Variants in CNTNAP2 observed in about 807,000 individuals in gnomAD.
CNTNAP2 encodes contactin associated protein 2.
CNTNAP2 carries 98 observed loss-of-function variants against 155.2 expected under a neutral mutation model. That is an observed-to-expected ratio of 0.63 (90% CI 0.54 to 0.75). CNTNAP2 has a LOEUF of 0.75. Ranked by LOEUF, CNTNAP2 falls within the 30% of genes least tolerant of loss-of-function variation. The probability of loss-of-function intolerance (pLI) is 0.00; values close to 1 mark genes in which losing one functional copy is unlikely to be tolerated. For missense variants in CNTNAP2, 1,727 were observed against 1,688.1 expected, an observed-to-expected ratio of 1.02 and a Z score of -0.40; for synonymous variants, 651 against 631.2, an observed-to-expected ratio of 1.03 and a Z score of -0.47.
chr7:147,026,928 A>T (rs1264051517), intron 3 of CNTNAP2, among the ~76,000 whole-genome samples: 3 of 147,718 alleles, frequency 2.0e-5, no homozygotes, highest in Non-Finnish European at 4.5e-5. Flanking sequence ...AAAAAAAAAA[A>T]GTCCTTAAAA....
chr7:148,290,737 A>C (rs182730749), intron 21 of CNTNAP2, among the ~76,000 whole-genome samples: 19 of 152,162 alleles, frequency 1.2e-4, no homozygotes, highest in Non-Finnish European at 2.1e-4. Flanking sequence ...TTTATGTCAA[A>C]TCCATCACTC....
At chr7:147,341,750 T>TCA (rs1332438796) in intron 9 of CNTNAP2, among the ~76,000 whole-genome samples, 1 of 128,814 alleles carries the variant, frequency 7.8e-6, no homozygotes, top group African/African-American at 2.9e-5. Flanking sequence ...ATCTAGGCTA[T>TCA]CACACACACA....
At chr7:148,320,116 A>G (rs976126418) in intron 21 of CNTNAP2, among the ~76,000 whole-genome samples, 3 of 152,108 alleles carry the variant, frequency 2.0e-5, no homozygotes, top group Admixed American at 6.6e-5. Context: ...AAAGCTTTCT[A>G]GGCCAATATG....
intron 3 of CNTNAP2, among the ~76,000 whole-genome samples, chr7:146,887,230 A>C (rs533095675): frequency 6.6e-6 from 1 of 151,948 alleles, no homozygotes; most frequent in East Asian, 1.9e-4. Context: ...GCTCACTGCA[A>C]ACTCGCCTCC....
rs193284363 is a variant in CNTNAP2 at position 146,887,734 on chromosome 7, C to T, written c.402+47830C>T. On this transcript the variant is annotated intron_variant, in intron 3 of 23. Coordinates refer to ENST00000361727, the MANE Select transcript of CNTNAP2 (RefSeq NM_014141.6). ...TCTGGCCTTAATAAACTCAGGCTGG[C>T]TTCCTGATATGCTTTTTTTCTAAGG... Among the ~76,000 whole-genome samples, 984 of 152,192 alleles carry T rather than the reference C, an allele frequency of 6.5e-3. 7 individuals carry two copies. The highest frequency in any genetic ancestry group is 0.01 in the Non-Finnish European group (698 of 68,000).
intron 15 of CNTNAP2, among the ~76,000 whole-genome samples, chr7:148,071,953 AC>A (rs1352453935): frequency 5.3e-5 from 8 of 152,178 alleles, no homozygotes; most frequent in Admixed American, 5.2e-4. Context: ...AGGACCACTG[AC>A]CCTGCGCTTC....
At chr7:147,299,401 G>C (rs917223028) in intron 8 of CNTNAP2, among the ~76,000 whole-genome samples, 12 of 150,320 alleles carry the variant, frequency 8.0e-5, no homozygotes, top group Admixed American at 8.0e-4. Context: ...AAGTGCCATT[G>C]TTGGGGATAT....
chr7:147,652,592 G>A (rs1162515141), intron 13 of CNTNAP2, among the ~76,000 whole-genome samples: 2 of 152,060 alleles, frequency 1.3e-5, no homozygotes, highest in African/African-American at 4.8e-5. Context: ...CATAACTTTA[G>A]AAGGGTTAAT....
chr7:146,891,135 A>G (rs1452326492), intron 3 of CNTNAP2, among the ~76,000 whole-genome samples: 1 of 152,220 alleles, frequency 6.6e-6, no homozygotes, highest in Admixed American at 6.5e-5. Flanking sequence ...TAAGTGAATT[A>G]ATGCTGGAAC....
At chr7:147,706,185 T>G (rs895056883) in intron 13 of CNTNAP2, among the ~76,000 whole-genome samples, 14 of 151,788 alleles carry the variant, frequency 9.2e-5, no homozygotes, top group Non-Finnish European at 7.4e-5. Context: ...TTTGAGGTTT[T>G]TTTTTTTTTT....
At chr7:146,756,001 G>A (rs548378159) in intron 1 of CNTNAP2, among the ~76,000 whole-genome samples, 10 of 151,848 alleles carry the variant, frequency 6.6e-5, no homozygotes, top group African/African-American at 2.4e-4. Flanking sequence ...AATTTTCTAG[G>A]CTTCATTAGT....
chr7:146,634,075 A>G (rs536381440), intron 1 of CNTNAP2, among the ~76,000 whole-genome samples: 1 of 152,136 alleles, frequency 6.6e-6, no homozygotes, highest in South Asian at 2.1e-4. Flanking sequence ...CCCCAACACT[A>G]GCTCCACACC....
At chr7:147,263,245 A>T (rs1804532314) in intron 8 of CNTNAP2, among the ~76,000 whole-genome samples, 1 of 151,794 alleles carries the variant, frequency 6.6e-6, no homozygotes, top group Admixed American at 6.6e-5. Context: ...GGTCCCAGCT[A>T]CTCTACCCTG....
chr7:148,148,309 T>C (rs1298083527), intron 17 of CNTNAP2, among the ~76,000 whole-genome samples: 1 of 152,212 alleles, frequency 6.6e-6, no homozygotes, highest in African/African-American at 2.4e-5. Flanking sequence ...CAGTCTAATC[T>C]TTTTCACCTG....
intron 16 of CNTNAP2, among the ~76,000 whole-genome samples, chr7:148,144,809 A>C (rs1433334906): frequency 6.6e-6 from 1 of 152,214 alleles, no homozygotes; most frequent in African/African-American, 2.4e-5. Context: ...GACACACATT[A>C]AGCGAGGACA....
intron 21 of CNTNAP2, among the ~76,000 whole-genome samples, chr7:148,297,664 AT>A (rs71527891): frequency 0.24 from 36,733 of 151,740 alleles, 4,568 homozygotes; most frequent in African/African-American, 0.31. Flanking sequence ...GAATATCTTA[AT>A]TTTTTTTTAT....
At chr7:147,685,004 T>C (rs1315569652) in intron 13 of CNTNAP2, among the ~76,000 whole-genome samples, 1 of 151,964 alleles carries the variant, frequency 6.6e-6, no homozygotes, top group Non-Finnish European at 1.5e-5. Context: ...TTTTTTAATA[T>C]TGTTGACATA....
intron 13 of CNTNAP2, among the ~76,000 whole-genome samples, chr7:147,639,987 C>CTCTGTGTCTGATGTCGAGA (rs1795246796): frequency 6.6e-6 from 1 of 152,152 alleles, no homozygotes. Context: ...TGTCAGAAAA[C>CTCTGTGTCTGATGTCGAGA]TGCATCTCTG....
At chr7:148,061,954 TATAGATAGATAGATAG>T (rs10535597) in intron 15 of CNTNAP2, among the ~76,000 whole-genome samples, 979 of 95,918 alleles carry the variant, frequency 0.01, 31 homozygotes, top group African/African-American at 0.027. Context: ...GATAAACAGA[TATAGATAGATAGATAG>T]ATAGATAGAT....
Sources: allele counts gnomAD v4.1 joint callset (sites outside exome capture counted in the v4.1 genomes callset), GRCh38; gene constraint gnomAD v4.1.1; transcripts MANE v1.5; gene names NCBI Gene and HGNC (gene_info 2026-07-23, HGNC 2026-07-21).